MOB3B: variants seen among roughly 807,000 people sequenced by gnomAD.
MOB3B encodes the protein MOB kinase activator-like 2B.
A neutral mutation model predicts 18.7 loss-of-function variants in MOB3B; 7 were observed. The observed-to-expected ratio is 0.37, with a 90% CI of 0.21 to 0.70. The LOEUF (loss-of-function observed/expected upper bound fraction) is 0.70. Ranked by LOEUF, MOB3B falls within the 30% of genes least tolerant of loss-of-function variation. The probability of loss-of-function intolerance (pLI) is 0.52; values close to 1 mark genes in which losing one functional copy is unlikely to be tolerated. For synonymous variants in MOB3B, 111 were observed against 99.9 expected, an observed-to-expected ratio of 1.11 and a Z score of -0.66; for missense variants, 253 against 281.3, an observed-to-expected ratio of 0.90 and a Z score of 0.72.
intron 1 of MOB3B, among the ~76,000 whole-genome samples, chr9:27,490,878 A>G (rs372352599): frequency 6.6e-6 from 1 of 152,190 alleles, no homozygotes; most frequent in East Asian, 1.9e-4. Context: ...GGGTCTGAGG[A>G]AAGCCCAGAA....
At chr9:27,452,673 A>G (rs1414152313) in intron 2 of MOB3B, among the ~76,000 whole-genome samples, 1 of 152,220 alleles carries the variant, frequency 6.6e-6, no homozygotes, top group East Asian at 1.9e-4. Flanking sequence ...TACACAATGG[A>G]ATACTATTCA....
intron 2 of MOB3B, among the ~76,000 whole-genome samples, chr9:27,447,121 A>C (rs1383342166): frequency 1.3e-5 from 2 of 152,156 alleles, no homozygotes; most frequent in Non-Finnish European, 2.9e-5. Flanking sequence ...ATCACTTTCC[A>C]CACATGGGGG....
intron 3 of MOB3B, among the ~76,000 whole-genome samples, chr9:27,336,558 C>T (rs776733355): frequency 6.6e-6 from 1 of 152,112 alleles, no homozygotes; most frequent in Non-Finnish European, 1.5e-5. Context: ...CTGTTATATA[C>T]GTGAACTCCT....
intron 3 of MOB3B, among the ~76,000 whole-genome samples, chr9:27,341,619 A>T (rs543531136): frequency 1.3e-5 from 2 of 152,286 alleles, no homozygotes; most frequent in African/African-American, 4.8e-5. Flanking sequence ...CACCTATTGA[A>T]ACATGTTCTC....
At chr9:27,515,686 C>T (rs1820221068) in intron 1 of MOB3B, among the ~76,000 whole-genome samples, 1 of 152,172 alleles carries the variant, frequency 6.6e-6, no homozygotes, top group Non-Finnish European at 1.5e-5. Context: ...TCATATACCA[C>T]ATTTCTCTCT....
At chr9:27,431,748 G>A (rs1220615437) in intron 2 of MOB3B, among the ~76,000 whole-genome samples, 2 of 152,172 alleles carry the variant, frequency 1.3e-5, no homozygotes, top group South Asian at 2.1e-4. Context: ...AACACTGGAG[G>A]CAGTCCCAGA....
chr9:27,367,965 G>A (rs1821362430), intron 2 of MOB3B, among the ~76,000 whole-genome samples: 1 of 152,076 alleles, frequency 6.6e-6, no homozygotes. Flanking sequence ...TCATGTCTGA[G>A]GGCATTTGTG....
rs184491194 is a variant in MOB3B at position 27,389,358 on chromosome 9, C to T, written c.419-30122G>A. ...CCTGCCTATCTCCCTGCGACCCCAC[C>T]GTTTCATTCCACTCCTCTTTCTGAT... is the stretch of plus-strand genomic sequence containing the variant. On this transcript the variant is annotated intron_variant, in intron 2 of 3. Coordinates refer to ENST00000262244, the MANE Select transcript of MOB3B (RefSeq NM_024761.5). Among the ~76,000 whole-genome samples, 14 of 146,264 alleles carry T rather than the reference C, an allele frequency of 9.6e-5. No homozygotes were observed. In the East Asian group the frequency reaches 2.6e-3, roughly 27 times the overall value.
At position 27,387,012 on chromosome 9, in the gene MOB3B, G is replaced by A. The variant is rs557560296; in HGVS notation, c.419-27776C>T. Among the ~76,000 whole-genome samples, 3 of 152,280 alleles carry A rather than the reference G, an allele frequency of 2.0e-5. No individual in the cohort carries two copies. The East Asian group carries it at 5.8e-4, about 29-fold the overall frequency. On this transcript the variant is annotated intron_variant, in intron 2 of 3. Coordinates refer to ENST00000262244, the MANE Select transcript of MOB3B (RefSeq NM_024761.5). ...TGAACTCTGGAAATAGCAGCAAAAT[G>A]TGGCAGAGTTGCTTCTGCGTACCAA...
At chr9:27,417,553 C>T (rs1471167319) in intron 2 of MOB3B, among the ~76,000 whole-genome samples, 1 of 152,178 alleles carries the variant, frequency 6.6e-6, no homozygotes, top group Non-Finnish European at 1.5e-5. Flanking sequence ...CAGGAATCAA[C>T]AATTCTCTTC....
At chr9:27,524,896 G>A (rs575580082) in intron 1 of MOB3B, 26 of 1,612,142 alleles carry the variant, frequency 1.6e-5, no homozygotes, top group South Asian at 3.3e-5. Context: ...GAGATTGTCC[G>A]AGTGGAAATC....
chr9:27,491,245 A>C (rs1233646076), intron 1 of MOB3B, among the ~76,000 whole-genome samples: 1 of 152,250 alleles, frequency 6.6e-6, no homozygotes, highest in Non-Finnish European at 1.5e-5. Flanking sequence ...AGATGCCTTC[A>C]TGATGAGGAA....
At chr9:27,390,539 C>A (rs1363950596) in intron 2 of MOB3B, among the ~76,000 whole-genome samples, 1 of 152,194 alleles carries the variant, frequency 6.6e-6, no homozygotes, top group Non-Finnish European at 1.5e-5. Flanking sequence ...ACACTGCTAA[C>A]ATTTCATAAG....
rs549030190 is a variant in MOB3B at position 27,371,813 on chromosome 9, G to GT, written c.419-12578dup. Among the ~76,000 whole-genome samples, 401 of 151,698 alleles carry GT rather than the reference G, an allele frequency of 2.6e-3. 8 individuals carry two copies. Among genetic ancestry groups the GT allele is most frequent in the African/African-American group, 8.1e-3 (335 of 41,316 alleles). On this transcript the variant is annotated intron_variant, in intron 2 of 3. Coordinates refer to ENST00000262244, the MANE Select transcript of MOB3B (RefSeq NM_024761.5). The stretch of plus-strand genomic sequence containing the variant: ...TAGATCTAGGACTGCCAGACCTTCT[G>GT]TTTTTTTTCAAGATAATCCAGAAAT...
At chr9:27,398,318 T>C (rs1466719103) in intron 2 of MOB3B, among the ~76,000 whole-genome samples, 1 of 152,212 alleles carries the variant, frequency 6.6e-6, no homozygotes, top group African/African-American at 2.4e-5. Flanking sequence ...TGGAGGATTT[T>C]GTAGCTCAGA....
At chr9:27,479,083 C>T (rs1031256454) in intron 1 of MOB3B, among the ~76,000 whole-genome samples, 1 of 152,102 alleles carries the variant, frequency 6.6e-6, no homozygotes, top group African/African-American at 2.4e-5. Flanking sequence ...GTATTTTAAC[C>T]TGTTTTACGC....
chr9:27,417,120 T>C (rs1822161989), intron 2 of MOB3B, among the ~76,000 whole-genome samples: 1 of 152,114 alleles, frequency 6.6e-6, no homozygotes, highest in African/African-American at 2.4e-5. Flanking sequence ...TCCCAGCACT[T>C]TGGGAGGCCG....
chr9:27,419,613 T>C (rs1435386495), intron 2 of MOB3B, among the ~76,000 whole-genome samples: 1 of 152,184 alleles, frequency 6.6e-6, no homozygotes, highest in Non-Finnish European at 1.5e-5. Context: ...AGTAGGAGAA[T>C]GAAACTGGAT....
At position 27,381,832 on chromosome 9, in the gene MOB3B, G is replaced by A. The variant is rs188061388; in HGVS notation, c.419-22596C>T. Among the ~76,000 whole-genome samples, 733 of 152,242 alleles carry A rather than the reference G, an allele frequency of 4.8e-3. 7 individuals are homozygous for A. The highest frequency in any genetic ancestry group is 3.9e-3 in the Non-Finnish European group (263 of 68,010). On this transcript the variant is annotated intron_variant, in intron 2 of 3. Coordinates refer to ENST00000262244, the MANE Select transcript of MOB3B (RefSeq NM_024761.5). Reference sequence around the variant, plus strand: ...CAGCTAAATTTTTATTTTATGTAGAGATGACGTCTCGCTATGTTGCCTAGG... The same window carrying A: ...CAGCTAAATTTTTATTTTATGTAGAAATGACGTCTCGCTATGTTGCCTAGG...
Sources: allele counts gnomAD v4.1 joint callset (sites outside exome capture counted in the v4.1 genomes callset), GRCh38; gene constraint gnomAD v4.1.1; transcripts MANE v1.5; gene names NCBI Gene and HGNC (gene_info 2026-07-23, HGNC 2026-07-21).